The following TET3 variants were observed in gnomAD, a reference collection of about 807,000 sequenced individuals.
TET3 encodes the protein methylcytosine dioxygenase TET3.
A neutral mutation model predicts 141.4 loss-of-function variants in TET3; 19 were observed. The observed-to-expected ratio is 0.13, with a 90% CI of 0.09 to 0.20. The LOEUF is 0.20. Among genes scored for constraint, TET3 ranks in the 10% least tolerant of loss-of-function variants. TET3 has a pLI of 1.00. For synonymous variants in TET3, 1,043 were observed against 980.9 expected (o/e 1.06, Z -1.18); for missense variants, 1,874 against 2,356.9 (o/e 0.80, Z 4.24).
chr2:74,099,615 G>T lies in TET3; in HGVS notation c.3604+3G>T, dbSNP rs1366935592. Reference sequence around the variant, plus strand: ...GGCGGGCATTACGTCGGACCCAGGTGTGTGGGGGGAGGGTGCCCGCTTGGA... The same window carrying T: ...GGCGGGCATTACGTCGGACCCAGGTTTGTGGGGGGAGGGTGCCCGCTTGGA... On this transcript the variant is annotated splice_donor_region_variant and intron_variant, in intron 11 of 11. Transcript: ENST00000409262. The T allele has an allele frequency of 2.6e-6, 4 of 1,558,094 alleles. No individual in the cohort carries two copies. In the African/African-American group the frequency reaches 5.4e-5, roughly 21 times the overall value.
chr2:74,123,482 G>A, the TET3 span, among the ~76,000 whole-genome samples: 2,939 of 152,328 alleles, frequency 0.019, 84 homozygotes, highest in African/African-American at 0.065. Context: ...GACCCGGCCT[G>A]TGGGCGGAAC....
In TET3 at chr2:74,048,119, C is replaced by T. The variant is rs762284241; in HGVS notation, c.2202C>T (p.Asp734=). 13 of 1,613,292 alleles carry T rather than the reference C, an allele frequency of 8.1e-6. No individual in the cohort carries two copies. The highest frequency in any genetic ancestry group is 8.5e-7 in the Non-Finnish European group (1 of 1,179,684). The change falls in exon 4 of 12, where the codon GAC becomes GAT. Residue 734 remains aspartate (D), a synonymous_variant. Transcript: ENST00000409262. ...GCCCCCCTTCTGTGCCCATTCAGGA[C>T]CCCGAGAACCAGCAAACATGTCTCC... The part of the protein sequence containing the change: ...LPGPPSVPIQ[D]PENQQTCLPA...
At chr2:74,051,455 C>T (rs569831050) in intron 4 of TET3, among the ~76,000 whole-genome samples, 1 of 152,230 alleles carries the variant, frequency 6.6e-6, no homozygotes, top group African/African-American at 2.4e-5. Flanking sequence ...TCTGTATGGT[C>T]GGAGTATGGA....
At chr2:74,081,091 G>A (rs1689796263) in intron 6 of TET3, among the ~76,000 whole-genome samples, 2 of 152,174 alleles carry the variant, frequency 1.3e-5, no homozygotes, top group Admixed American at 6.5e-5. Context: ...GAGGGAAGAG[G>A]CCAGGGCTCT....
intron 3 of TET3, among the ~76,000 whole-genome samples, chr2:74,025,432 C>T (rs971500894): frequency 2.0e-5 from 3 of 151,270 alleles, no homozygotes; most frequent in Non-Finnish European, 3.0e-5. Context: ...GGACCACAGG[C>T]ACCCACCACC....
At chr2:74,052,178 C>T (rs1364499107) in intron 4 of TET3, among the ~76,000 whole-genome samples, 12 of 152,214 alleles carry the variant, frequency 7.9e-5, no homozygotes, top group Admixed American at 6.5e-4. Context: ...CGGGGTTTCA[C>T]CGTGTTGCCC....
At chr2:74,134,299 A>T in the TET3 span, among the ~76,000 whole-genome samples, 1 of 152,180 alleles carries the variant, frequency 6.6e-6, no homozygotes, top group Non-Finnish European at 1.5e-5. Flanking sequence ...CAACCTTCTC[A>T]GCTCTGATAC....
intron 3 of TET3, among the ~76,000 whole-genome samples, chr2:74,020,927 G>A (rs1686005463): frequency 6.6e-6 from 1 of 152,166 alleles, no homozygotes; most frequent in Non-Finnish European, 1.5e-5. Context: ...CCCGTGGTCT[G>A]TGCTCACCCT....
At chr2:74,050,226 G>A (rs1054128220) in intron 4 of TET3, among the ~76,000 whole-genome samples, 13 of 152,200 alleles carry the variant, frequency 8.5e-5, no homozygotes, top group Admixed American at 1.3e-4. Flanking sequence ...AGCTGGGAGT[G>A]CTTGGGCACT....
intron 2 of TET3, among the ~76,000 whole-genome samples, chr2:74,002,530 C>T (rs1035940781): frequency 1.3e-5 from 2 of 152,052 alleles, no homozygotes; most frequent in African/African-American, 2.4e-5. Flanking sequence ...GGGAGCGGCA[C>T]GGCGGGCCTG....
In TET3 at chr2:74,080,699, C is replaced by T. The variant is rs548995834; in HGVS notation, c.2679+108C>T. The T allele has an allele frequency of 4.5e-4, 182 of 405,742 alleles. 2 individuals are homozygous for T. The African/African-American group carries it at 6.3e-3, about 14-fold the overall frequency. The allele number at this position is 405,742 out of a possible 1,614,324, so 25.1% of individuals were successfully genotyped here. On this transcript the variant is annotated intron_variant, in intron 6 of 11. Transcript: ENST00000409262. ...CTGCATGTAGCTGAGCAGGCGAGGG[C>T]GGGGGGTGGGGCCAGGTGGGTGTGT...
chr2:74,065,688 CTTCTTTCTTTTTCT>C (rs1688857836), intron 4 of TET3, among the ~76,000 whole-genome samples: 2 of 143,742 alleles, frequency 1.4e-5, no homozygotes, highest in East Asian at 2.0e-4. Context: ...CCTTTCTTTT[CTTCTTTCTTTTTCT>C]TTCTTTCTTT....
rs1690607082 is a variant in TET3 at position 74,093,146 on chromosome 2, A to G, written c.3129+155A>G. 6.6e-6 allele frequency among the ~76,000 whole-genome samples: 1 copy of G among 151,614 alleles called. No homozygotes were observed. Among genetic ancestry groups the G allele is most frequent in the Non-Finnish European group, 1.5e-5 (1 of 67,936 alleles). The stretch of plus-strand genomic sequence containing the variant: ...GATATGATGTGGTTCTTTGATAAAA[A>G]CCCCTTTTTTACACCAGGCTACCTG... On this transcript the variant is annotated intron_variant, in intron 9 of 11. Coordinates refer to ENST00000409262, the MANE Select transcript of TET3 (RefSeq NM_001287491.2). The surrounding 1 kb of genome is among the most constrained non-coding windows in gnomAD (Gnocchi z 4.2).
At chr2:74,060,606 A>G (rs569132750) in intron 4 of TET3, among the ~76,000 whole-genome samples, 1 of 152,068 alleles carries the variant, frequency 6.6e-6, no homozygotes, top group East Asian at 1.9e-4. Context: ...ACAATAGTGG[A>G]GGGAAGGTCA....
At chr2:74,045,288 A>T (rs1310174804) in intron 3 of TET3, among the ~76,000 whole-genome samples, 1 of 152,216 alleles carries the variant, frequency 6.6e-6, no homozygotes, top group Non-Finnish European at 1.5e-5. Context: ...TATTGTAATT[A>T]TGTAATTTTA....
At chr2:74,099,987 CG>C (rs1691086120) in intron 11 of TET3, among the ~76,000 whole-genome samples, 4 of 152,166 alleles carry the variant, frequency 2.6e-5, no homozygotes, top group Non-Finnish European at 5.9e-5. Context: ...TGGGCGGAGA[CG>C]GTTGCTGGCA....
At chr2:73,998,093 G>C (rs1309710260) in intron 2 of TET3, among the ~76,000 whole-genome samples, 2 of 152,180 alleles carry the variant, frequency 1.3e-5, no homozygotes, top group African/African-American at 4.8e-5. Context: ...GAAGGATGAG[G>C]ACAGATTGCT....
chr2:73,984,151 G>A (rs1400256832), upstream of TET3, among the ~76,000 whole-genome samples: 1 of 152,232 alleles, frequency 6.6e-6, no homozygotes, highest in East Asian at 1.9e-4. This position sits in a 1 kb window ranked among gnomAD's most constrained non-coding sequence, Gnocchi z 5.6. Context: ...CCTCCTGAAC[G>A]CTGTCCTCCT....
Position 74,101,462 on chromosome 2 carries a change from C to A in TET3, c.4674C>A (p.Asn1558Lys), listed in dbSNP as rs1030402319. The part of the protein sequence containing the change: ...GSPGFQDKLW[N>K]PMKGEEGRIP... ...CTGGGTTCCAAGACAAGCTGTGGAA[C>A]CCCATGAAAGGAGAGGAGGGCAGGA... The change falls in exon 12 of 12, where the codon AAC becomes AAA. Residue 1558 changes from asparagine to lysine, a missense_variant. By Grantham distance (94) the Asn-to-Lys change is moderately conservative. This residue lies in a region of TET3 where 602 missense variants were observed against 590.2 expected (regional missense o/e 1.02). Transcript: ENST00000409262. The surrounding 1 kb of genome is among the most constrained non-coding windows in gnomAD (Gnocchi z 8.5). 10 of 1,613,774 alleles carry A rather than the reference C, an allele frequency of 6.2e-6. No homozygotes were observed. The highest frequency in any genetic ancestry group is 8.5e-6 in the Non-Finnish European group (10 of 1,179,854).
Sources: allele counts gnomAD v4.1 joint callset (sites outside exome capture counted in the v4.1 genomes callset), GRCh38; gene constraint gnomAD v4.1.1; regional missense constraint gnomAD v4.1.1; non-coding constraint Gnocchi (gnomAD v3.1); transcripts MANE v1.5; gene names NCBI Gene and HGNC (gene_info 2026-07-23, HGNC 2026-07-21).